Variants in SDK1 observed in about 807,000 individuals in gnomAD.
SDK1 encodes protein sidekick-1.
A neutral mutation model predicts 245.5 loss-of-function variants in SDK1; 157 were observed. The ratio of observed to expected loss-of-function variants is 0.64; its 90% CI spans 0.56 to 0.73. The LOEUF (loss-of-function observed/expected upper bound fraction) is 0.73. Among genes scored for constraint, SDK1 ranks in the 30% least tolerant of loss-of-function variants. The pLI, the probability that SDK1 is intolerant of heterozygous loss-of-function variation, is 0.00. For missense variants in SDK1, 3,583 were observed against 3,002.3 expected (o/e 1.19, Z -4.52); for synonymous variants, 1,647 against 1,278.5 (o/e 1.29, Z -6.15).
intron 5 of SDK1, among the ~76,000 whole-genome samples, chr7:3,842,220 C>T (rs1212528396): frequency 1.3e-5 from 2 of 152,224 alleles, no homozygotes; most frequent in African/African-American, 4.8e-5. Context: ...CTTGCACCAC[C>T]ATCCCCACTG....
chr7:4,071,924 A>G (rs1183804419), intron 20 of SDK1, among the ~76,000 whole-genome samples: 4 of 152,202 alleles, frequency 2.6e-5, no homozygotes, highest in African/African-American at 9.6e-5. Flanking sequence ...TTTTACAGAT[A>G]CACACGTTAG....
At chr7:3,363,106 G>A (rs1444797396) in intron 1 of SDK1, among the ~76,000 whole-genome samples, 2 of 152,150 alleles carry the variant, frequency 1.3e-5, no homozygotes, top group Non-Finnish European at 2.9e-5. Context: ...GATCTCTCAT[G>A]TTGCCCTTCT....
intron 1 of SDK1, among the ~76,000 whole-genome samples, chr7:3,400,914 A>T (rs1302210639): frequency 6.6e-6 from 1 of 152,114 alleles, no homozygotes; most frequent in Non-Finnish European, 1.5e-5. Flanking sequence ...ATCTCTACCC[A>T]GTCTCGTGTA....
At chr7:4,167,793 C>T (rs1457687392) in intron 32 of SDK1, among the ~76,000 whole-genome samples, 1 of 152,236 alleles carries the variant, frequency 6.6e-6, no homozygotes, top group Non-Finnish European at 1.5e-5. Flanking sequence ...CTTTTGTTTC[C>T]AGTCATATAA....
chr7:3,915,296 C>G (rs940472778), intron 5 of SDK1, among the ~76,000 whole-genome samples: 2 of 152,140 alleles, frequency 1.3e-5, no homozygotes, highest in African/African-American at 4.8e-5. Context: ...GTAGGAGACC[C>G]CTGAAGAGCA....
intron 1 of SDK1, among the ~76,000 whole-genome samples, chr7:3,526,316 T>A (rs1329445357): frequency 2.0e-5 from 3 of 152,170 alleles, no homozygotes; most frequent in Admixed American, 6.5e-5. Context: ...TACCATGGAT[T>A]TTTTAATTAG....
rs1163349253 is a variant in SDK1 at position 4,175,761 on chromosome 7, G to C, written c.4937-14G>C. 6.2e-7 allele frequency: 1 copy of C among 1,613,158 alleles called. No individual in the cohort carries two copies. The highest frequency in any genetic ancestry group is 1.7e-5 in the Admixed American group (1 of 60,032). On this transcript the variant is annotated splice_polypyrimidine_tract_variant and intron_variant, in intron 33 of 44. Transcript: ENST00000404826. ...TGCGTGCTAACCACCTTTCTGCTTT[G>C]CTTACCCCAATAGCCCAAAGCAGCT...
chr7:3,446,467 A>G (rs1425628533), intron 1 of SDK1, among the ~76,000 whole-genome samples: 2 of 152,132 alleles, frequency 1.3e-5, no homozygotes, highest in Non-Finnish European at 2.9e-5. Flanking sequence ...AAAAATTACA[A>G]TTTTTCTGCC....
In SDK1 at chr7:4,051,779, C is replaced by G; in HGVS notation, c.2860C>G (p.Pro954Ala). Residue 954 changes from proline to alanine, a missense_variant, in exon 19 of 45, where the codon CCT (proline) becomes GCT (alanine). By Grantham distance (27) the Pro-to-Ala change is conservative (BLOSUM62 -1). Coordinates refer to ENST00000404826, the MANE Select transcript of SDK1 (RefSeq NM_152744.4). ...CACTTCCGTTCTGTGCTTCACCACC[C>G]CTGGGGACGGGCCTCCCAGCACACC... ...YFTSVLCFTT[P>A]GDGPPSTPQL... 1 of 1,613,814 alleles carries G rather than the reference C, an allele frequency of 6.2e-7. No individual in the cohort carries two copies. Among genetic ancestry groups the G allele is most frequent in the Non-Finnish European group, 8.5e-7 (1 of 1,179,900 alleles).
chr7:3,814,720 C>G (rs1277515880), intron 4 of SDK1, among the ~76,000 whole-genome samples: 1 of 151,438 alleles, frequency 6.6e-6, no homozygotes, highest in African/African-American at 2.4e-5. Flanking sequence ...GCCATTTTCA[C>G]GATATTGATT....
chr7:4,136,898 G>A (rs1348781069), intron 28 of SDK1, among the ~76,000 whole-genome samples: 1 of 152,244 alleles, frequency 6.6e-6, no homozygotes, highest in Non-Finnish European at 1.5e-5. Context: ...TGGATAAGCT[G>A]CAAAACCCAC....
intron 22 of SDK1, among the ~76,000 whole-genome samples, chr7:4,097,784 G>A (rs779251169): frequency 2.6e-5 from 4 of 152,076 alleles, no homozygotes; most frequent in African/African-American, 4.8e-5. Context: ...TCAGCATTTC[G>A]GTCATAATAA....
chr7:3,397,404 T>A (rs1222736752), intron 1 of SDK1, among the ~76,000 whole-genome samples: 1 of 151,972 alleles, frequency 6.6e-6, no homozygotes, highest in Non-Finnish European at 1.5e-5. Flanking sequence ...TTTTTCTTTA[T>A]ATGGGAATAT....
intron 2 of SDK1, among the ~76,000 whole-genome samples, chr7:3,632,810 C>T (rs955930282): frequency 1.3e-5 from 2 of 152,184 alleles, no homozygotes; most frequent in African/African-American, 2.4e-5. Flanking sequence ...ATATATATCT[C>T]TCTCTTAACA....
At chr7:3,483,145 G>C (rs1781570443) in intron 1 of SDK1, among the ~76,000 whole-genome samples, 1 of 152,152 alleles carries the variant, frequency 6.6e-6, no homozygotes, top group Non-Finnish European at 1.5e-5. Context: ...AATCATGTTT[G>C]AATTTTGATG....
chr7:3,631,508 C>A (rs1015728740), intron 2 of SDK1, among the ~76,000 whole-genome samples: 2 of 152,192 alleles, frequency 1.3e-5, no homozygotes, highest in Admixed American at 6.5e-5. Flanking sequence ...CTATGAATTG[C>A]CTAGCTTTCA....
intron 22 of SDK1, among the ~76,000 whole-genome samples, chr7:4,091,919 C>A (rs895247923): frequency 6.6e-6 from 1 of 152,154 alleles, no homozygotes; most frequent in African/African-American, 2.4e-5. Context: ...CTCCACGTGC[C>A]ACCTTCCTGG....
chr7:3,943,420 G>C (rs935563086), intron 5 of SDK1, among the ~76,000 whole-genome samples: 6 of 2,144 alleles, frequency 2.8e-3, no homozygotes, highest in Non-Finnish European at 4.3e-3. Flanking sequence ...CTCCCCATTT[G>C]TGCTTCAGGG....
At chr7:3,372,599 G>A (rs1001780934) in intron 1 of SDK1, among the ~76,000 whole-genome samples, 1 of 152,116 alleles carries the variant, frequency 6.6e-6, no homozygotes, top group African/African-American at 2.4e-5. Context: ...GAACGTCACT[G>A]GGCCCCCAAA....
Sources: allele counts gnomAD v4.1 joint callset (sites outside exome capture counted in the v4.1 genomes callset), GRCh38; gene constraint gnomAD v4.1.1; transcripts MANE v1.5; gene names NCBI Gene and HGNC (gene_info 2026-07-23, HGNC 2026-07-21).